NMNAT3: variants seen among roughly 807,000 people sequenced by gnomAD.
NMNAT3 encodes the protein nicotinamide nucleotide adenylyltransferase 3.
Under a neutral mutation model 24.8 loss-of-function variants are expected in NMNAT3, and 21 were observed. The ratio of observed to expected loss-of-function variants is 0.85; its 90% CI spans 0.60 to 1.22. NMNAT3 has a LOEUF of 1.22. Among genes scored for constraint, NMNAT3 ranks in the 50% most tolerant of loss-of-function variants. The pLI is 0.00. For synonymous variants in NMNAT3, 136 were observed against 155.2 expected (o/e 0.88, Z 0.92); for missense variants, 387 against 436.6 (o/e 0.89, Z 1.01).
intron 3 of NMNAT3, among the ~76,000 whole-genome samples, chr3:139,615,792 T>C (rs1438217070): frequency 1.3e-5 from 2 of 152,198 alleles, no homozygotes; most frequent in African/African-American, 4.8e-5. Flanking sequence ...AATATTTTGT[T>C]TTCCATATTT....
At chr3:139,654,709 T>C (rs1478135256) in intron 1 of NMNAT3, among the ~76,000 whole-genome samples, 2 of 152,260 alleles carry the variant, frequency 1.3e-5, no homozygotes, top group Non-Finnish European at 2.9e-5. Context: ...GAATGCATTA[T>C]AGGATTTATG....
chr3:139,593,687 T>G (rs1365842903), intron 3 of NMNAT3, among the ~76,000 whole-genome samples: 5 of 149,740 alleles, frequency 3.3e-5, no homozygotes, highest in South Asian at 2.2e-4. Flanking sequence ...ACATGGAAAC[T>G]GAACAACCTG....
In NMNAT3 at chr3:139,625,027, T is replaced by C. The variant is rs2055989363; in HGVS notation, c.109+2589A>G. 2.0e-5 allele frequency among the ~76,000 whole-genome samples: 3 copies of C among 152,340 alleles called. No homozygotes were observed. The South Asian group carries it at 6.2e-4, about 32-fold the overall frequency. The stretch of plus-strand genomic sequence containing the variant: ...CTTCTTATGTATTTTGAAGTTATAT[T>C]ACTAAGTGCAAAAAGCGTATTACTT... On this transcript the variant is annotated intron_variant, in intron 3 of 6. Transcript: ENST00000643695.
intron 3 of NMNAT3, chr3:139,599,410 C>G (rs989750122): frequency 4.3e-6 from 3 of 702,296 alleles, no homozygotes; most frequent in Admixed American, 2.0e-5. Flanking sequence ...TTTTCTTCTT[C>G]CCTTGGTTGT....
chr3:139,661,932 C>G (rs2057428463), intron 1 of NMNAT3, among the ~76,000 whole-genome samples: 1 of 152,166 alleles, frequency 6.6e-6, no homozygotes, highest in South Asian at 2.1e-4. Flanking sequence ...TTGATATCAT[C>G]TAATCCAACA....
At chr3:139,579,080 T>C (rs942585753) in intron 4 of NMNAT3, 25 bp from the exon 5 acceptor site, 1 of 1,599,964 alleles carries the variant, frequency 6.3e-7, no homozygotes, top group African/African-American at 1.3e-5. Flanking sequence ...GCAGTGGTGT[T>C]GCACATACAG....
intron 1 of NMNAT3, among the ~76,000 whole-genome samples, chr3:139,660,911 C>A (rs1313568695): frequency 6.6e-6 from 1 of 152,104 alleles, no homozygotes; most frequent in East Asian, 1.9e-4. Flanking sequence ...TTAGAATTTG[C>A]TAAAGAAAAC....
At chr3:139,577,723 T>C (rs1939549678) in intron 5 of NMNAT3, 1 of 152,168 alleles carries the variant, frequency 6.6e-6, no homozygotes, top group Non-Finnish European at 1.5e-5. Context: ...AATGGGTCAT[T>C]AAAAAATAAA....
chr3:139,609,237 C>T (rs1240645607), intron 3 of NMNAT3, among the ~76,000 whole-genome samples: 1 of 152,216 alleles, frequency 6.6e-6, no homozygotes, highest in African/African-American at 2.4e-5. Flanking sequence ...TTTCATTTCT[C>T]TGGGATAAAT....
chr3:139,565,010 C>A (rs377237059), intron 6 of NMNAT3, among the ~76,000 whole-genome samples: 11 of 152,092 alleles, frequency 7.2e-5, no homozygotes, highest in African/African-American at 2.4e-4. Flanking sequence ...GAAGTATAGT[C>A]ATATTTTTAT....
At chr3:139,613,698 C>T (rs1016325015) in intron 3 of NMNAT3, among the ~76,000 whole-genome samples, 32 of 151,994 alleles carry the variant, frequency 2.1e-4, no homozygotes, top group Admixed American at 3.9e-4. Context: ...ATGTTTATTG[C>T]GGCACTATTC....
At chr3:139,661,012 A>G (rs2057397764) in intron 1 of NMNAT3, among the ~76,000 whole-genome samples, 1 of 152,140 alleles carries the variant, frequency 6.6e-6, no homozygotes, top group Non-Finnish European at 1.5e-5. Context: ...CTTTTTTTGT[A>G]TCATAATACA....
chr3:139,623,484 AAGTAT>A (rs1176469450), intron 3 of NMNAT3, among the ~76,000 whole-genome samples: 5 of 152,208 alleles, frequency 3.3e-5, no homozygotes, highest in African/African-American at 9.6e-5. Flanking sequence ...ATAAGGATAA[AAGTAT>A]AGTATAGTAA....
intron 3 of NMNAT3, chr3:139,599,271 A>G (rs2054605889): frequency 2.9e-6 from 2 of 701,118 alleles, no homozygotes; most frequent in Non-Finnish European, 5.2e-6. Flanking sequence ...TCTGTAGCAC[A>G]GAATGATTAC....
chr3:139,618,322 G>A (rs2055604549), intron 3 of NMNAT3, among the ~76,000 whole-genome samples: 1 of 152,216 alleles, frequency 6.6e-6, no homozygotes, highest in South Asian at 2.1e-4. Flanking sequence ...TCCTCATAAA[G>A]AGGTGTGTTA....
At chr3:139,565,144 A>G (rs1232931261) in intron 6 of NMNAT3, among the ~76,000 whole-genome samples, 1 of 152,136 alleles carries the variant, frequency 6.6e-6, no homozygotes, top group Non-Finnish European at 1.5e-5. Context: ...TAATTTAGGT[A>G]TACTTTCCTT....
Position 139,627,752 on chromosome 3 carries a change from A to G in NMNAT3, c.-28T>C, listed in dbSNP as rs1210975532. The stretch of plus-strand genomic sequence containing the variant: ...TGTCAGGCACATCCACACCTGTTGC[A>G]GTGGCCACCCTGCTTTTATGGGGAC... On this transcript the variant is annotated 5_prime_UTR_variant, in exon 3 of 7. Coordinates refer to ENST00000643695, the MANE Select transcript of NMNAT3 (RefSeq NM_001320510.2). 7.1e-7 allele frequency: 1 copy of G among 1,406,238 alleles called. No individual in the cohort carries two copies. The highest frequency in any genetic ancestry group is 1.4e-5 in the African/African-American group (1 of 70,864). 87.1% of individuals were successfully genotyped at this position (1,406,238 alleles called of 1,614,324 possible).
chr3:139,562,537 A>T (rs1936564916), intron 6 of NMNAT3, among the ~76,000 whole-genome samples: 1 of 152,192 alleles, frequency 6.6e-6, no homozygotes, highest in Non-Finnish European at 1.5e-5. Context: ...GAGTAAAGAG[A>T]GGCTCCAGGG....
At chr3:139,663,835 C>T (rs2057495587) in intron 1 of NMNAT3, among the ~76,000 whole-genome samples, 1 of 152,164 alleles carries the variant, frequency 6.6e-6, no homozygotes, top group Non-Finnish European at 1.5e-5. Context: ...CACAGACTTC[C>T]TTCTCTCCCT....
Sources: gnomAD v4.1 joint callset for allele counts (sites outside exome capture counted in the v4.1 genomes callset) on GRCh38, gnomAD v4.1.1 for gene constraint, MANE v1.5 for transcripts, NCBI Gene and HGNC (gene_info 2026-07-23, HGNC 2026-07-21) for gene names.